The following MYO6 variants were observed in gnomAD, a reference collection of about 807,000 sequenced individuals.
MYO6 encodes the protein unconventional myosin-VI.
A neutral mutation model predicts 178.7 loss-of-function variants in MYO6; 74 were observed. The ratio of observed to expected loss-of-function variants is 0.41; its 90% CI spans 0.34 to 0.50. MYO6 has a LOEUF of 0.50. Among genes scored for constraint, MYO6 ranks in the 20% least tolerant of loss-of-function variants. MYO6 has a pLI of 0.09. For synonymous variants in MYO6, 477 were observed against 504.6 expected (o/e 0.95, Z 0.73); for missense variants, 1,330 against 1,547.4 (o/e 0.86, Z 2.36).
chr6:75,796,131 G>A (rs1768790631), intron 1 of MYO6, among the ~76,000 whole-genome samples: 1 of 152,108 alleles, frequency 6.6e-6, no homozygotes, highest in African/African-American at 2.4e-5. Context: ...TGCTTTTGGT[G>A]CTTTTTTCCC....
chr6:75,816,905 T>C (rs1385160261), intron 1 of MYO6, among the ~76,000 whole-genome samples: 1 of 152,218 alleles, frequency 6.6e-6, no homozygotes. Context: ...TGTTTGCTTC[T>C]GTTCTAGTCA....
At chr6:75,762,025 A>G (rs1462101435) in intron 1 of MYO6, among the ~76,000 whole-genome samples, 1 of 151,506 alleles carries the variant, frequency 6.6e-6, no homozygotes, top group African/African-American at 2.4e-5. Context: ...CCCGCCTGCC[A>G]GGTTCACGCC....
intron 1 of MYO6, among the ~76,000 whole-genome samples, chr6:75,767,734 T>C (rs1049373302): frequency 7.2e-5 from 11 of 152,016 alleles, no homozygotes; most frequent in African/African-American, 2.7e-4. Flanking sequence ...CAGGCTGGTC[T>C]CTTAACTTCT....
chr6:75,836,830 G>A (rs573094175), intron 7 of MYO6, among the ~76,000 whole-genome samples: 19 of 152,048 alleles, frequency 1.2e-4, no homozygotes, highest in Non-Finnish European at 2.1e-4. Context: ...TGATCCACCC[G>A]CCTTGGCCTC....
chr6:75,841,428 C>T (rs1207613910), intron 9 of MYO6, 50 bp downstream of exon 9: 2 of 1,545,734 alleles, frequency 1.3e-6, no homozygotes, highest in African/African-American at 1.4e-5. Context: ...GTGGCTCATG[C>T]CTGTAATCCC....
intron 2 of MYO6, among the ~76,000 whole-genome samples, chr6:75,822,020 A>G (rs1771928908): frequency 1.3e-5 from 2 of 151,598 alleles, no homozygotes; most frequent in South Asian, 2.1e-4. Flanking sequence ...TACTGAAACA[A>G]TAGCTATTAA....
At chr6:75,842,186 GCACACACACACACATGCACACACACA>G (rs1227285210) in intron 9 of MYO6, among the ~76,000 whole-genome samples, 1 of 148,600 alleles carries the variant, frequency 6.7e-6, no homozygotes, top group Non-Finnish European at 1.5e-5. Context: ...GGTGGGAAAC[GCACACACACACACATGCACACACACA>G]CACACACACA....
intron 7 of MYO6, among the ~76,000 whole-genome samples, chr6:75,837,625 T>A (rs1773778988): frequency 6.6e-6 from 1 of 152,252 alleles, no homozygotes; most frequent in African/African-American, 2.4e-5. Context: ...TATGTGCATT[T>A]TTCACAATGA....
intron 30 of MYO6, among the ~76,000 whole-genome samples, chr6:75,907,394 A>G (rs748762784): frequency 3.3e-5 from 5 of 152,248 alleles, no homozygotes; most frequent in Non-Finnish European, 7.3e-5. Context: ...TTAAAATCTA[A>G]TGTGACTATC....
At chr6:75,903,412 G>A (rs1384772807) in intron 30 of MYO6, among the ~76,000 whole-genome samples, 1 of 151,374 alleles carries the variant, frequency 6.6e-6, no homozygotes, top group African/African-American at 2.4e-5. Context: ...GGGTGCTCCT[G>A]TATTGGGTGC....
At chr6:75,767,622 C>T (rs950900219) in intron 1 of MYO6, among the ~76,000 whole-genome samples, 1 of 148,820 alleles carries the variant, frequency 6.7e-6, no homozygotes, top group Non-Finnish European at 1.5e-5. Context: ...CGGGCTTAAG[C>T]GATCCTCCCA....
rs60914813 is a variant in MYO6 at position 75,787,710 on chromosome 6, CTCTCTCTCTCTCTCTCTCTCTA to C, written c.-47-29789_-47-29768del. Among the ~76,000 whole-genome samples, 516 of 70,116 alleles carry C rather than the reference CTCTCTCTCTCTCTCTCTCTCTA, an allele frequency of 7.4e-3. 1 individual carries two copies. Among genetic ancestry groups the C allele is most frequent in the East Asian group, 1.0e-2 (19 of 1,902 alleles). The allele number at this position is 70,116 out of a possible 152,430, so 46.0% of individuals were successfully genotyped here. A position where few individuals can be genotyped will look rare whatever the true frequency, so the allele number is the denominator to read the frequency against. ...TCTCTCTCTCTCTCTCTCTCTCTCT[CTCTCTCTCTCTCTCTCTCTCTA>C]TATATATATATATATATATATATAT... On this transcript the variant is annotated intron_variant, in intron 1 of 34. Transcript: ENST00000369977.
At chr6:75,773,838 A>T (rs948762020) in intron 1 of MYO6, among the ~76,000 whole-genome samples, 51 of 152,238 alleles carry the variant, frequency 3.4e-4, no homozygotes, top group African/African-American at 1.2e-3. Flanking sequence ...ACCCTTCCCA[A>T]ACTACAAAAT....
intron 1 of MYO6, among the ~76,000 whole-genome samples, chr6:75,753,455 G>GTGTGTGTATATATATA (rs370647728): frequency 1.6e-4 from 23 of 140,056 alleles, no homozygotes; most frequent in African/African-American, 5.6e-4. Flanking sequence ...GTGTGTGTGT[G>GTGTGTGTATATATATA]TATATATATA....
At chr6:75,799,134 A>G (rs966706320) in intron 1 of MYO6, among the ~76,000 whole-genome samples, 1 of 152,212 alleles carries the variant, frequency 6.6e-6, no homozygotes, top group African/African-American at 2.4e-5. Flanking sequence ...CATGTCTGTA[A>G]TCCCAGCACT....
intron 31 of MYO6, among the ~76,000 whole-genome samples, chr6:75,908,078 T>G (rs1780477159): frequency 6.6e-6 from 1 of 152,198 alleles, no homozygotes; most frequent in African/African-American, 2.4e-5. Context: ...TTGTACATAA[T>G]TTCTCACTAC....
rs1777885679 is a variant in MYO6 at position 75,879,964 on chromosome 6, C to A, written c.2208+14C>A. The A allele has an allele frequency of 1.2e-6, 2 of 1,613,828 alleles. No individual in the cohort carries two copies. The highest frequency in any genetic ancestry group is 2.7e-5 in the African/African-American group (2 of 74,900). On this transcript the variant is annotated intron_variant, in intron 21 of 34. Coordinates refer to ENST00000369977, the MANE Select transcript of MYO6 (RefSeq NM_004999.4). ...CTATTTTGTAAGGTATAAATGCCACCCAAATTGAAATTTCTTAGCTATGAA... is the reference window on the plus strand; with the variant it reads ...CTATTTTGTAAGGTATAAATGCCACACAAATTGAAATTTCTTAGCTATGAA...
intron 30 of MYO6, among the ~76,000 whole-genome samples, chr6:75,905,804 A>G (rs1780268174): frequency 6.6e-6 from 1 of 152,228 alleles, no homozygotes; most frequent in African/African-American, 2.4e-5. Context: ...AAAGAATTTT[A>G]AGTATGTAGG....
At chr6:75,879,238 TC>T (rs1204411178) in intron 20 of MYO6, among the ~76,000 whole-genome samples, 1 of 151,722 alleles carries the variant, frequency 6.6e-6, no homozygotes, top group African/African-American at 2.4e-5. Flanking sequence ...ACTTGATCTT[TC>T]CTTAGTTTTG....
Sources: gnomAD v4.1 joint callset for allele counts (sites outside exome capture counted in the v4.1 genomes callset) on GRCh38, gnomAD v4.1.1 for gene constraint, MANE v1.5 for transcripts, NCBI Gene and HGNC (gene_info 2026-07-23, HGNC 2026-07-21) for gene names.